EBF3: variants seen among roughly 807,000 people sequenced by gnomAD.
EBF3 encodes EBF transcription factor 3.
A neutral mutation model predicts 77.1 loss-of-function variants in EBF3; 18 were observed. The ratio of observed to expected loss-of-function variants is 0.23; its 90% CI spans 0.16 to 0.35. EBF3 has a LOEUF of 0.35. EBF3 is among the 10% of genes least tolerant of loss of function. The pLI, the probability that EBF3 is intolerant of heterozygous loss-of-function variation, is 1.00. For missense variants in EBF3, 558 were observed against 860.0 expected (o/e 0.65, Z 4.39); for synonymous variants, 350 against 343.5 (o/e 1.02, Z -0.21).
intron 4 of EBF3, among the ~76,000 whole-genome samples, chr10:129,960,628 CTTTT>C (rs34551386): frequency 2.3e-4 from 27 of 115,204 alleles, no homozygotes; most frequent in Admixed American, 4.5e-4. Context: ...TATTTCTTTC[CTTTT>C]TTTTTTTTTT....
chr10:129,927,376 C>G (rs573975966), intron 6 of EBF3, among the ~76,000 whole-genome samples: 1 of 152,312 alleles, frequency 6.6e-6, no homozygotes, highest in South Asian at 2.1e-4. Flanking sequence ...CCTCAGAGAG[C>G]AACAAGATCT....
chr10:129,840,314 C>A lies in EBF3; in HGVS notation c.1690G>T (p.Ala564Ser). The change falls in exon 15 of 17, where the codon GCG (alanine) becomes TCG (serine). Residue 564 changes from alanine (A) to serine (S), a missense_variant. Transcript: ENST00000440978. ...GAGGCTTGGGGCCGGACCACGGGCG[C>A]GAAGGCGCTCTTCTGTTTCACTGCG... ...ISAVKQKSAF[A>S]PVVRPQASPP... The A allele has an allele frequency of 1.3e-6, 2 of 1,590,602 alleles. No homozygotes were observed. Among genetic ancestry groups the A allele is most frequent in the Non-Finnish European group, 1.7e-6 (2 of 1,168,504 alleles).
chr10:129,921,289 C>T (rs1024070323), intron 6 of EBF3, among the ~76,000 whole-genome samples: 1 of 152,130 alleles, frequency 6.6e-6, no homozygotes, highest in Non-Finnish European at 1.5e-5. Flanking sequence ...ATCCTGGGCA[C>T]CGCAGGGTGT....
chr10:129,874,854 C>T (rs1324427399), intron 7 of EBF3, among the ~76,000 whole-genome samples: 1 of 152,148 alleles, frequency 6.6e-6, no homozygotes, highest in Admixed American at 6.5e-5. Flanking sequence ...CTTAGTGAAT[C>T]GCGACACATC....
At chr10:129,875,017 T>A (rs1852658897) in intron 7 of EBF3, among the ~76,000 whole-genome samples, 1 of 151,478 alleles carries the variant, frequency 6.6e-6, no homozygotes, top group African/African-American at 2.4e-5. Flanking sequence ...AGCCTATTAA[T>A]AAAATAATTA....
intron 6 of EBF3, among the ~76,000 whole-genome samples, chr10:129,942,664 C>T (rs1021916751): frequency 1.5e-4 from 23 of 152,200 alleles, no homozygotes; most frequent in Middle Eastern, 3.2e-3. Flanking sequence ...TGCTCTTTTA[C>T]GCATGCCACG....
chr10:129,836,856 G>A lies in EBF3; in HGVS notation c.*1087C>T, dbSNP rs1849640278. The A allele has an allele frequency of 6.6e-6, 1 of 152,558 alleles. No homozygotes were observed. Among genetic ancestry groups the A allele is most frequent in the African/African-American group, 2.4e-5 (1 of 41,430 alleles). 9.5% of individuals were successfully genotyped at this position (152,558 alleles called of 1,614,324 possible). On this transcript the variant is annotated 3_prime_UTR_variant, in exon 17 of 17. Transcript: ENST00000440978. ...TATAATTGATATGTTACAAAATAAAGTCCCTTAGCAACTGCAAGTGTTCAT... is the reference window on the plus strand; with the variant it reads ...TATAATTGATATGTTACAAAATAAAATCCCTTAGCAACTGCAAGTGTTCAT...
chr10:129,866,303 T>G (rs1284414051), intron 10 of EBF3, among the ~76,000 whole-genome samples: 1 of 152,146 alleles, frequency 6.6e-6, no homozygotes, highest in Non-Finnish European at 1.5e-5. Context: ...TAAATTTTTG[T>G]AGAGACAGGG....
At position 129,841,094 on chromosome 10, in the gene EBF3, G is replaced by C; in HGVS notation, c.1373-62C>G. On this transcript the variant is annotated intron_variant, in intron 13 of 16. Coordinates refer to ENST00000440978, the MANE Select transcript of EBF3 (RefSeq NM_001375380.1). This position sits in a 1 kb window ranked among gnomAD's most constrained non-coding sequence, Gnocchi z 4.6. ...TTATCAGCGACAGACACTTGGGGGG[G>C]GTTCCCCGAGAATCTATATCATATA... 1 of 1,580,680 alleles carries C rather than the reference G, an allele frequency of 6.3e-7. No individual in the cohort carries two copies. The highest frequency in any genetic ancestry group is 8.6e-7 in the Non-Finnish European group (1 of 1,163,824).
chr10:129,920,690 C>T (rs1442066130), intron 6 of EBF3, among the ~76,000 whole-genome samples: 1 of 152,248 alleles, frequency 6.6e-6, no homozygotes, highest in South Asian at 2.1e-4. Context: ...TTGAAAGCAC[C>T]CAGCCCAGGA....
At position 129,841,115 on chromosome 10, in the gene EBF3, A is replaced by G. The variant is rs543774466; in HGVS notation, c.1373-83T>C. The stretch of plus-strand genomic sequence containing the variant: ...GGGGGGTTCCCCGAGAATCTATATC[A>G]TATATTAACATTGCTAATTGACCCT... On this transcript the variant is annotated intron_variant, in intron 13 of 16. Coordinates refer to ENST00000440978, the MANE Select transcript of EBF3 (RefSeq NM_001375380.1). This position sits in a 1 kb window ranked among gnomAD's most constrained non-coding sequence, Gnocchi z 4.6. The G allele has an allele frequency of 1.3e-6, 2 of 1,520,588 alleles. No homozygotes were observed. The highest frequency in any genetic ancestry group is 1.8e-6 in the Non-Finnish European group (2 of 1,127,652). The allele number at this position is 1,520,588 out of a possible 1,614,324, so 94.2% of individuals were successfully genotyped here. A position where few individuals can be genotyped will look rare whatever the true frequency, so the allele number is the denominator to read the frequency against.
chr10:129,960,373 G>T (rs1044554885), intron 4 of EBF3, among the ~76,000 whole-genome samples: 3 of 152,194 alleles, frequency 2.0e-5, no homozygotes, highest in Admixed American at 6.5e-5. Flanking sequence ...CGCGAACCCC[G>T]CTCACCCAGC....
rs2133955108 is a variant in EBF3, at chr10:129,842,733, C to T, written c.1194+404G>A. Among the ~76,000 whole-genome samples, 1 of 147,808 alleles carries T rather than the reference C, an allele frequency of 6.8e-6. No individual in the cohort carries two copies. Among genetic ancestry groups the T allele is most frequent in the East Asian group, 2.0e-4 (1 of 4,972 alleles). On this transcript the variant is annotated intron_variant, in intron 12 of 16. Transcript: ENST00000440978. The surrounding 1 kb of genome is among the most constrained non-coding windows in gnomAD (Gnocchi z 4.4). ...GAACCGACACTGCCCTACTGCACTC[C>T]AGCCTGGGTGACAGAGCAAGACCCT... is the stretch of plus-strand genomic sequence containing the variant.
At chr10:129,917,645 C>A (rs1194086730) in intron 6 of EBF3, among the ~76,000 whole-genome samples, 1 of 44,424 alleles carries the variant, frequency 2.3e-5, no homozygotes, top group Admixed American at 2.9e-4. Context: ...CAGCAAGACC[C>A]TGCCTCAAAA....
In EBF3 at chr10:129,885,864, T is replaced by G. The variant is rs1478435268; in HGVS notation, c.555-8015A>C. 6.6e-6 allele frequency among the ~76,000 whole-genome samples: 1 copy of G among 152,148 alleles called. No individual in the cohort carries two copies. The highest frequency in any genetic ancestry group is 1.5e-5 in the Non-Finnish European group (1 of 68,036). ...TTTTACAGGTTATGCAGAGATTAAGTGCCTATGCTTATCCCAACTTAGGGT... is the reference window on the plus strand; with the variant it reads ...TTTTACAGGTTATGCAGAGATTAAGGGCCTATGCTTATCCCAACTTAGGGT... On this transcript the variant is annotated intron_variant, in intron 6 of 16. Coordinates refer to ENST00000440978, the MANE Select transcript of EBF3 (RefSeq NM_001375380.1). The surrounding 1 kb of genome is among the most constrained non-coding windows in gnomAD (Gnocchi z 4.0).
rs1460816139 is a variant in EBF3 at position 129,879,030 on chromosome 10, G to C, written c.555-1181C>G. Among the ~76,000 whole-genome samples the C allele has an allele frequency of 2.6e-5, 4 of 152,052 alleles. No individual in the cohort carries two copies. The highest frequency in any genetic ancestry group is 7.2e-5 in the African/African-American group (3 of 41,390). On this transcript the variant is annotated intron_variant, in intron 6 of 16. Transcript: ENST00000440978. The surrounding 1 kb of genome is among the most constrained non-coding windows in gnomAD (Gnocchi z 4.7). ...ATGTTTCATGGCATGAAGATTCAGG[G>C]GTCCTGACAGTGTGTTGAGATGCTG...
At chr10:129,877,162 C>G (rs1418871354) in intron 7 of EBF3, among the ~76,000 whole-genome samples, 1 of 152,040 alleles carries the variant, frequency 6.6e-6, no homozygotes, top group Non-Finnish European at 1.5e-5. Flanking sequence ...TAGTTCTCCT[C>G]CCACTGAAAA....
intron 6 of EBF3, among the ~76,000 whole-genome samples, chr10:129,927,444 CA>C (rs1856748227): frequency 6.6e-6 from 1 of 152,180 alleles, no homozygotes; most frequent in South Asian, 2.1e-4. Context: ...TTACAAAAGG[CA>C]CAGAAAGCCT....
intron 6 of EBF3, among the ~76,000 whole-genome samples, chr10:129,888,185 T>C (rs902692098): frequency 1.3e-5 from 2 of 152,228 alleles, no homozygotes; most frequent in African/African-American, 4.8e-5. Flanking sequence ...TTTTCCATTT[T>C]CCTGTCGGGG....
Sources: gnomAD v4.1 joint callset for allele counts (sites outside exome capture counted in the v4.1 genomes callset) on GRCh38, gnomAD v4.1.1 for gene constraint, Gnocchi (gnomAD v3.1) non-coding constraint, MANE v1.5 for transcripts, NCBI Gene and HGNC (gene_info 2026-07-23, HGNC 2026-07-21) for gene names.